Variants in SYNPR observed in about 807,000 individuals in gnomAD.
The protein encoded by SYNPR is synaptoporin.
A neutral mutation model predicts 32.9 loss-of-function variants in SYNPR; 23 were observed. The observed-to-expected ratio is 0.70, with a 90% CI of 0.50 to 0.99. The LOEUF is 0.99. Ranked by LOEUF, SYNPR falls within the 50% of genes least tolerant of loss-of-function variation. SYNPR has a pLI of 0.00. For missense variants in SYNPR, 318 were observed against 349.3 expected (o/e 0.91, Z 0.71); for synonymous variants, 146 against 135.9 (o/e 1.07, Z -0.52).
At chr3:63,567,533 C>A (rs1010787542) in intron 4 of SYNPR, among the ~76,000 whole-genome samples, 5 of 152,170 alleles carry the variant, frequency 3.3e-5, no homozygotes, top group African/African-American at 1.2e-4. Flanking sequence ...ACACACACAG[C>A]TTTAGCTTCA....
chr3:63,485,508 G>T (rs1667126251), intron 3 of SYNPR, among the ~76,000 whole-genome samples: 1 of 152,116 alleles, frequency 6.6e-6, no homozygotes, highest in Non-Finnish European at 1.5e-5. Flanking sequence ...AAGCTTTCAT[G>T]GGACATTTCA....
intron 3 of SYNPR, among the ~76,000 whole-genome samples, chr3:63,482,208 A>G (rs1226376199): frequency 6.6e-6 from 1 of 152,128 alleles, no homozygotes; most frequent in African/African-American, 2.4e-5. Flanking sequence ...GGCTTCTTTA[A>G]TTTCTTCCCA....
intron 2 of SYNPR, among the ~76,000 whole-genome samples, chr3:63,295,491 C>T (rs1211802870): frequency 7.2e-5 from 11 of 152,096 alleles, no homozygotes; most frequent in Admixed American, 2.6e-4. Context: ...AGAAAAATTC[C>T]GAACCGCTCC....
At chr3:63,589,217 G>A (rs1164249047) in intron 4 of SYNPR, among the ~76,000 whole-genome samples, 1 of 152,070 alleles carries the variant, frequency 6.6e-6, no homozygotes, top group Non-Finnish European at 1.5e-5. Flanking sequence ...GATGCAACCA[G>A]ATCTGTGTCA....
intron 2 of SYNPR, among the ~76,000 whole-genome samples, chr3:63,367,583 T>C (rs1010030569): frequency 6.6e-6 from 1 of 152,118 alleles, no homozygotes; most frequent in African/African-American, 2.4e-5. Flanking sequence ...CTCAAACTTC[T>C]GAGCTCAGGT....
chr3:63,603,770 A>G (rs1297366989), intron 4 of SYNPR, among the ~76,000 whole-genome samples: 4 of 152,116 alleles, frequency 2.6e-5, no homozygotes, highest in South Asian at 2.1e-4. Context: ...GGATTTTTAC[A>G]TCTATGTTCA....
Position 63,584,598 on chromosome 3 carries a change from G to A in SYNPR, c.409-24527G>A, listed in dbSNP as rs567829623. Among the ~76,000 whole-genome samples the A allele has an allele frequency of 1.7e-4, 26 of 152,206 alleles. No individual in the cohort carries two copies. In the South Asian group the frequency reaches 4.8e-3, roughly 28 times the overall value. ...TACAGTCATGTGGCTCAGGATTTAC[G>A]TTGGGTGCTAAGTGAGAAGCTGGGT... On this transcript the variant is annotated intron_variant, in intron 4 of 5. Transcript: ENST00000478300.
chr3:63,518,303 T>C (rs937278306), intron 3 of SYNPR, among the ~76,000 whole-genome samples: 4 of 152,098 alleles, frequency 2.6e-5, no homozygotes, highest in Admixed American at 6.6e-5. Context: ...CTAAAGACTA[T>C]GTTACCCACG....
chr3:63,588,794 T>G (rs1703247106), intron 4 of SYNPR, among the ~76,000 whole-genome samples: 2 of 152,038 alleles, frequency 1.3e-5, no homozygotes, highest in South Asian at 4.1e-4. Context: ...AGGAGTACTC[T>G]TCTACTAACA....
intron 3 of SYNPR, among the ~76,000 whole-genome samples, chr3:63,269,819 T>C (rs559416067): frequency 6.6e-6 from 1 of 152,342 alleles, no homozygotes; most frequent in East Asian, 1.9e-4. Context: ...TAGCAACTAA[T>C]GGGCTGCAAA....
intron 2 of SYNPR, among the ~76,000 whole-genome samples, chr3:63,401,023 A>G (rs959254270): frequency 1.3e-5 from 2 of 151,956 alleles, no homozygotes; most frequent in Non-Finnish European, 2.9e-5. Flanking sequence ...TAGGAATTAG[A>G]TGCAATACAC....
chr3:63,372,254 T>G (rs530371184), intron 2 of SYNPR, among the ~76,000 whole-genome samples: 1 of 152,230 alleles, frequency 6.6e-6, no homozygotes, highest in Admixed American at 6.5e-5. Context: ...CTCCTCCCTG[T>G]GAGCCTTCCA....
chr3:63,456,019 G>A (rs866587850), intron 2 of SYNPR, among the ~76,000 whole-genome samples: 2 of 152,064 alleles, frequency 1.3e-5, no homozygotes, highest in African/African-American at 4.8e-5. Flanking sequence ...CAGAAGGCAA[G>A]GGGTAGCAAG....
intron 3 of SYNPR, among the ~76,000 whole-genome samples, chr3:63,516,564 T>G (rs925418003): frequency 6.6e-6 from 1 of 152,156 alleles, no homozygotes; most frequent in Admixed American, 6.6e-5. Flanking sequence ...CTCAACAACC[T>G]TGTAAGACAA....
intron 2 of SYNPR, among the ~76,000 whole-genome samples, chr3:63,472,085 GGACGA>G (rs1359770409): frequency 6.6e-6 from 1 of 152,208 alleles, no homozygotes; most frequent in African/African-American, 2.4e-5. Context: ...GCAGCAATGG[GGACGA>G]TCAGGGCTTT....
At chr3:63,411,092 TTAAG>T (rs1249138458) in intron 2 of SYNPR, among the ~76,000 whole-genome samples, 11 of 152,174 alleles carry the variant, frequency 7.2e-5, no homozygotes, top group Non-Finnish European at 1.0e-4. Flanking sequence ...TTCTGCTTCT[TTAAG>T]TAAAAACCTG....
intron 2 of SYNPR, among the ~76,000 whole-genome samples, chr3:63,303,765 A>C (rs1459702975): frequency 6.6e-6 from 1 of 152,068 alleles, no homozygotes; most frequent in East Asian, 1.9e-4. Flanking sequence ...TTTTAAAAAA[A>C]ATTTATTATC....
intron 2 of SYNPR, among the ~76,000 whole-genome samples, chr3:63,356,581 G>A (rs1475459805): frequency 6.6e-6 from 1 of 152,152 alleles, no homozygotes; most frequent in Non-Finnish European, 1.5e-5. Flanking sequence ...CCCAGACTGG[G>A]TCAGTGCCCT....
intron 2 of SYNPR, among the ~76,000 whole-genome samples, chr3:63,472,993 T>A (rs1450765329): frequency 1.3e-5 from 2 of 152,082 alleles, no homozygotes; most frequent in Admixed American, 6.5e-5. Flanking sequence ...CGTTTTTGGA[T>A]CCCTGGTAGC....
Sources: gnomAD v4.1 joint callset for allele counts (sites outside exome capture counted in the v4.1 genomes callset) on GRCh38, gnomAD v4.1.1 for gene constraint, MANE v1.5 for transcripts, NCBI Gene and HGNC (gene_info 2026-07-23, HGNC 2026-07-21) for gene names.